PASD1: variants seen among roughly 807,000 people sequenced by gnomAD.
PASD1 encodes circadian clock protein PASD1.
Under a neutral mutation model 58.8 loss-of-function variants are expected in PASD1, and 13 were observed. The observed-to-expected ratio is 0.22, with a 90% confidence interval of 0.14 to 0.35. PASD1 has a LOEUF of 0.35. Among genes scored for constraint, PASD1 ranks in the 10% least tolerant of loss-of-function variants. The probability of loss-of-function intolerance (pLI) is 1.00; values close to 1 mark genes in which losing one functional copy is unlikely to be tolerated. For synonymous variants in PASD1, 236 were observed against 216.7 expected, an observed-to-expected ratio of 1.09 and a Z score of -0.78; for missense variants, 734 against 568.3, an observed-to-expected ratio of 1.29 and a Z score of -2.96.
chrX:151,633,843 A>G (rs1331771096), intron 8 of PASD1, among the ~76,000 whole-genome samples: 1 of 112,356 alleles, frequency 8.9e-6, no homozygotes, highest in Non-Finnish European at 1.9e-5. Context: ...GGGACAAATT[A>G]TCTGATATAT....
At chrX:151,601,280 A>T (rs189923858) in intron 1 of PASD1, among the ~76,000 whole-genome samples, 12 of 112,649 alleles carry the variant, frequency 1.1e-4, no homozygotes, top group African/African-American at 3.5e-4. Flanking sequence ...AACTTTTACA[A>T]ATATATTCAT....
chrX:151,627,195 TTTTATTTATTATTTA>T (rs1327313025), intron 8 of PASD1, among the ~76,000 whole-genome samples: 8 of 111,107 alleles, frequency 7.2e-5, no homozygotes, highest in Admixed American at 2.9e-4. Flanking sequence ...ATTTTTAAAT[TTTTATTTATTATTTA>T]TTTATTTATT....
chrX:151,643,692 A>T (rs906261737), intron 8 of PASD1, among the ~76,000 whole-genome samples: 3 of 112,379 alleles, frequency 2.7e-5, no homozygotes, highest in Non-Finnish European at 5.6e-5. Context: ...AGATTATTTT[A>T]CTACTCCCTA....
At chrX:151,625,179 T>G (rs1387220945) in intron 7 of PASD1, among the ~76,000 whole-genome samples, 1 of 111,879 alleles carries the variant, frequency 8.9e-6, no homozygotes, top group Non-Finnish European at 1.9e-5. Flanking sequence ...TTTCACAGCG[T>G]GACTGTGTAG....
chrX:151,634,921 A>G (rs972086664), intron 8 of PASD1, among the ~76,000 whole-genome samples: 1 of 111,792 alleles, frequency 8.9e-6, no homozygotes, highest in Non-Finnish European at 1.9e-5. Flanking sequence ...AGAAATTTTT[A>G]CCCACTAGTC....
intron 1 of PASD1, among the ~76,000 whole-genome samples, chrX:151,598,454 C>T (rs543705569): frequency 1.8e-5 from 2 of 111,306 alleles, no homozygotes; most frequent in African/African-American, 6.5e-5. Flanking sequence ...ATTTTCCATT[C>T]TGGAAAATTT....
chrX:151,577,639 C>T (rs1257339039), intron 1 of PASD1, among the ~76,000 whole-genome samples: 1 of 111,780 alleles, frequency 8.9e-6, no homozygotes, highest in Admixed American at 9.5e-5. Context: ...ATTCTCCTGC[C>T]TCAGCCTCCC....
intron 1 of PASD1, among the ~76,000 whole-genome samples, chrX:151,577,162 T>A (rs948621491): frequency 8.9e-6 from 1 of 111,791 alleles, no homozygotes. Flanking sequence ...TAGTGAGACC[T>A]CGTCTTGAAA....
rs1196243152 is a variant in PASD1, at chrX:151,623,051, C to T, written c.533C>T (p.Thr178Ile). 3.3e-6 allele frequency: 4 copies of T among 1,210,130 alleles called. No homozygotes were observed. The highest frequency in any genetic ancestry group is 4.5e-6 in the Non-Finnish European group (4 of 894,540). ...GTGGGAAATGTTTGCATTCTCAGGA[C>T]TCAGCTCCTGCAGGTGGGTATACTG... ...YLVGNVCILRTQLLQQLYTSK... is the reference protein window; with the variant it reads ...YLVGNVCILRIQLLQQLYTSK... Residue 178 changes from threonine to isoleucine, a missense_variant, in exon 7 of 16, where the codon ACT (threonine) becomes ATT (isoleucine). Thr to Ile is a moderately conservative substitution (Grantham distance 89). Coordinates refer to ENST00000370357, the MANE Select transcript of PASD1 (RefSeq NM_173493.3).
rs2014062259 is a variant in PASD1 at position 151,646,492 on chromosome X, G to A, written c.630-2123G>A. Among the ~76,000 whole-genome samples the A allele has an allele frequency of 4.5e-5, 5 of 112,219 alleles. No individual in the cohort carries two copies. The South Asian group carries it at 1.8e-3, about 41-fold the overall frequency. The stretch of plus-strand genomic sequence containing the variant: ...ACGGAGCACTTGAAATGTGGCTACT[G>A]TGACTGAAGACTAAATTTTAAATTG... On this transcript the variant is annotated intron_variant, in intron 8 of 15. Coordinates refer to ENST00000370357, the MANE Select transcript of PASD1 (RefSeq NM_173493.3).
chrX:151,667,757 A>G (rs1263442621), intron 11 of PASD1, among the ~76,000 whole-genome samples: 1 of 111,932 alleles, frequency 8.9e-6, no homozygotes, highest in Non-Finnish European at 1.9e-5. Flanking sequence ...TTTTGGTACC[A>G]GTACCATGCT....
chrX:151,628,717 A>G (rs1470981271), intron 8 of PASD1, among the ~76,000 whole-genome samples: 2 of 111,403 alleles, frequency 1.8e-5, no homozygotes, highest in East Asian at 2.8e-4. Context: ...GTTTTTTCCA[A>G]TTCTGTGAAG....
intron 8 of PASD1, among the ~76,000 whole-genome samples, chrX:151,628,977 A>G (rs1393293280): frequency 1.8e-5 from 2 of 111,351 alleles, no homozygotes; most frequent in African/African-American, 6.5e-5. Flanking sequence ...TTAACTCATG[A>G]TTTGGCTCTC....
At chrX:151,595,691 C>CTCCA (rs2013313869) in intron 1 of PASD1, among the ~76,000 whole-genome samples, 1 of 110,627 alleles carries the variant, frequency 9.0e-6, no homozygotes, top group African/African-American at 3.3e-5. Context: ...TGCCACTGTA[C>CTCCA]TCCAGCCCTG....
At chrX:151,638,987 C>T (rs28565535) in intron 8 of PASD1, among the ~76,000 whole-genome samples, 2,234 of 111,659 alleles carry the variant, frequency 0.02, 44 homozygotes, top group African/African-American at 0.068. Flanking sequence ...TTCTCCATTG[C>T]ACTTGGAATA....
chrX:151,627,412 G>C (rs1285907051), intron 8 of PASD1, among the ~76,000 whole-genome samples: 1 of 108,040 alleles, frequency 9.3e-6, no homozygotes, highest in Non-Finnish European at 1.9e-5. Context: ...GTGTCCATGT[G>C]TTCTTATTGT....
chrX:151,671,233 T>A, intron 12 of PASD1, 37 bp downstream of exon 12: 1 of 1,191,800 alleles, frequency 8.4e-7, no homozygotes, highest in Non-Finnish European at 1.1e-6. Context: ...CAGAGACCAG[T>A]TCTATATTAG....
At chrX:151,670,884 A>G (rs1010874387) in intron 11 of PASD1, among the ~76,000 whole-genome samples, 154 bp from the exon 12 acceptor site, 9 of 111,691 alleles carry the variant, frequency 8.1e-5, no homozygotes, top group Non-Finnish European at 1.7e-4. Context: ...TTCTCTAACC[A>G]TTTTTTCAAA....
chrX:151,578,146 C>G (rs1041285207), intron 1 of PASD1, among the ~76,000 whole-genome samples: 6 of 112,254 alleles, frequency 5.3e-5, no homozygotes, highest in African/African-American at 1.9e-4. Flanking sequence ...TGGAGATTCT[C>G]TGTGCTCCTA....
Sources: allele counts gnomAD v4.1 joint callset (sites outside exome capture counted in the v4.1 genomes callset), GRCh38; gene constraint gnomAD v4.1.1; transcripts MANE v1.5; gene names NCBI Gene and HGNC (gene_info 2026-07-23, HGNC 2026-07-21).